Variants in LEMD1 observed in about 807,000 individuals in gnomAD.
The protein encoded by LEMD1 is LEM domain containing 1.
Under a neutral mutation model 17.4 loss-of-function variants are expected in LEMD1, and 18 were observed. The ratio of observed to expected loss-of-function variants is 1.04; its 90% CI spans 0.72 to 1.54. The LOEUF (loss-of-function observed/expected upper bound fraction) is 1.54, where lower values mean the gene tolerates loss of function less well. Ranked by LOEUF, LEMD1 falls within the 40% of genes most tolerant of loss-of-function variation. LEMD1 has a pLI of 0.00. For missense variants in LEMD1, 195 were observed against 210.4 expected, an observed-to-expected ratio of 0.93 and a Z score of 0.45; for synonymous variants, 88 against 77.8, an observed-to-expected ratio of 1.13 and a Z score of -0.69.
At position 205,381,448 on chromosome 1, in the gene LEMD1, C is replaced by T. The variant is rs1663687169; in HGVS notation, c.*210G>A. On this transcript the variant is annotated 3_prime_UTR_variant, in exon 6 of 6. Coordinates refer to ENST00000367153, the MANE Select transcript of LEMD1 (RefSeq NM_001199050.2). ...GAGTTGACATGACTTGGGGGATTTCCTAACCATCATGCTCTTAACACAGGT... is the reference window on the plus strand; with the variant it reads ...GAGTTGACATGACTTGGGGGATTTCTTAACCATCATGCTCTTAACACAGGT... 2 of 586,976 alleles carry T rather than the reference C, an allele frequency of 3.4e-6. No homozygotes were observed. Among genetic ancestry groups the T allele is most frequent in the East Asian group, 2.8e-5 (1 of 35,128 alleles). The allele number at this position is 586,976 out of a possible 1,614,324, so 36.4% of individuals were successfully genotyped here.
In LEMD1 at chr1:205,448,725, C is replaced by T. The variant is rs1238206142; in HGVS notation, c.-39+1143G>A. 6.6e-6 allele frequency among the ~76,000 whole-genome samples: 1 copy of T among 152,136 alleles called. No homozygotes were observed. Among genetic ancestry groups the T allele is most frequent in the African/African-American group, 2.4e-5 (1 of 41,434 alleles). On this transcript the variant is annotated intron_variant, in intron 1 of 3. Transcript: ENST00000367154. The surrounding 1 kb of genome is among the most constrained non-coding windows in gnomAD (Gnocchi z 4.7). ...CCCCTGCCCAGGGTCCTTAACTACC[C>T]CTTCCCTAGAGAATAAGGCCGGATC...
chr1:205,419,512 C>T (rs1205153693), intron 2 of LEMD1, among the ~76,000 whole-genome samples, 160 bp from the exon 3 acceptor site: 3 of 152,186 alleles, frequency 2.0e-5, no homozygotes, highest in Non-Finnish European at 4.4e-5. Context: ...GTCTCCCAAG[C>T]TTGGTGCAGT....
At chr1:205,423,204 A>AGGCTGTGGCTCCAAG (rs1461855824), upstream of LEMD1, among the ~76,000 whole-genome samples, 1 of 152,188 alleles carries the variant, frequency 6.6e-6, no homozygotes, top group African/African-American at 2.4e-5. Context: ...TGAGTCTCCC[A>AGGCTGTGGCTCCAAG]GGCTGTGGCT....
At chr1:205,428,002 G>A (rs1041835275) in intron 1 of LEMD1, among the ~76,000 whole-genome samples, 4 of 152,228 alleles carry the variant, frequency 2.6e-5, no homozygotes, top group African/African-American at 7.2e-5. Flanking sequence ...GAAGGCAATT[G>A]GGTGACTGGC....
intron 1 of LEMD1, chr1:205,435,231 G>A (rs551051434): frequency 2.0e-5 from 3 of 152,180 alleles, no homozygotes; most frequent in Non-Finnish European, 2.9e-5. Flanking sequence ...TTCAAATCTC[G>A]ATAAACTACA....
intron 4 of LEMD1, chr1:205,386,421 A>C (rs1664025213): frequency 6.6e-6 from 1 of 151,200 alleles, no homozygotes; most frequent in South Asian, 2.1e-4. Flanking sequence ...CTCCTGCCTC[A>C]GCCTCTCGAG....
intron 4 of LEMD1, among the ~76,000 whole-genome samples, chr1:205,408,600 C>T (rs1665238574): frequency 6.6e-6 from 1 of 150,930 alleles, no homozygotes; most frequent in Non-Finnish European, 1.5e-5. Flanking sequence ...TGGGCTCAAG[C>T]CATCCTTTCA....
At chr1:205,421,765 G>A (rs990146189) in intron 1 of LEMD1, among the ~76,000 whole-genome samples, 2 of 152,158 alleles carry the variant, frequency 1.3e-5, no homozygotes, top group African/African-American at 4.8e-5. Context: ...ATGCATCTCA[G>A]CACCTCAGAT....
chr1:205,419,234 G>A lies in LEMD1; in HGVS notation c.201C>T (p.Ser67=), dbSNP rs554426899. 80 of 1,613,908 alleles carry A rather than the reference G, an allele frequency of 5.0e-5. No homozygotes were observed. The highest frequency in any genetic ancestry group is 2.0e-4 in the East Asian group (9 of 44,878). The change falls in exon 3 of 6, where the codon AGC becomes AGT. Residue 67 remains serine (S), a synonymous_variant. Transcript: ENST00000367153. ...CAGTACAGCTTATGGCGGTACCTTC[G>A]CTGTCATCACTGTCCTGCGCTCCAT... The part of the protein sequence containing the change: ...ELDGAQDSDD[S]EELNIILQGN...
At chr1:205,426,521 G>A (rs1024544915), upstream of LEMD1, among the ~76,000 whole-genome samples, 6 of 152,206 alleles carry the variant, frequency 3.9e-5, no homozygotes, top group Non-Finnish European at 7.3e-5. Context: ...GCTTCCTGGA[G>A]GAGGTGGAAC....
intron 4 of LEMD1, among the ~76,000 whole-genome samples, chr1:205,411,133 A>AAAGG (rs1203305710): frequency 4.8e-5 from 7 of 144,676 alleles, no homozygotes; most frequent in Admixed American, 7.8e-5. Context: ...GGAGGGAAAG[A>AAAGG]AAGGAAGGAA....
chr1:205,407,348 A>T (rs1665164996), intron 4 of LEMD1, among the ~76,000 whole-genome samples: 1 of 151,548 alleles, frequency 6.6e-6, no homozygotes, highest in African/African-American at 2.4e-5. Context: ...AAAAAAAAAA[A>T]AGGATTTGAA....
chr1:205,415,661 C>T (rs1310219942), intron 4 of LEMD1, among the ~76,000 whole-genome samples: 1 of 152,158 alleles, frequency 6.6e-6, no homozygotes, highest in Non-Finnish European at 1.5e-5. Context: ...TTCGCATCCA[C>T]CCTGTGAGGT....
rs147105255 is a variant in LEMD1, at chr1:205,433,003, C to T, written c.-38-12429G>A. On this transcript the variant is annotated intron_variant, in intron 1 of 3. Transcript: ENST00000367154. ...TCCAGCCTGGGCAACAGAGCAAGAC[C>T]CTGCCTCTAAAAATAAAAAATATAA... Among the ~76,000 whole-genome samples, 236 of 148,900 alleles carry T rather than the reference C, an allele frequency of 1.6e-3. 1 individual carries two copies. The highest frequency in any genetic ancestry group is 5.7e-3 in the African/African-American group (230 of 40,308).
intron 1 of LEMD1, among the ~76,000 whole-genome samples, chr1:205,444,351 C>T (rs74141214): frequency 0.14 from 21,460 of 151,892 alleles, 2,220 homozygotes; most frequent in African/African-American, 0.29. Context: ...AGATGGTTTA[C>T]GGTCTGGGGG....
rs1252024088 is a variant in LEMD1, at chr1:205,381,381, C to T, written c.*277G>A. On this transcript the variant is annotated 3_prime_UTR_variant, in exon 6 of 6. Coordinates refer to ENST00000367153, the MANE Select transcript of LEMD1 (RefSeq NM_001199050.2). ...TAGAAAGAAAAACGCCAGACAGTTT[C>T]CTTGTTTGACGCCTGCTCAAATATG... The T allele has an allele frequency of 2.2e-6, 1 of 454,260 alleles. No individual in the cohort carries two copies. Among genetic ancestry groups the T allele is most frequent in the East Asian group, 4.0e-5 (1 of 25,234 alleles). 28.1% of individuals were successfully genotyped at this position (454,260 alleles called of 1,614,324 possible).
intron 1 of LEMD1, among the ~76,000 whole-genome samples, chr1:205,443,549 T>TAGGG (rs1293454191): frequency 3.9e-5 from 6 of 152,164 alleles, no homozygotes; most frequent in Non-Finnish European, 7.4e-5. Context: ...GTAGCCTGGC[T>TAGGG]CCCGAGAGGT....
At chr1:205,416,120 A>T (rs1462289681) in intron 4 of LEMD1, 112 bp downstream of exon 4, 3 of 630,468 alleles carry the variant, frequency 4.8e-6, no homozygotes, top group Non-Finnish European at 7.9e-6. Context: ...GGATTTTACC[A>T]CTATAACAGA....
chr1:205,386,582 G>C (rs1207209835), intron 4 of LEMD1: 1 of 151,592 alleles, frequency 6.6e-6, no homozygotes, highest in Non-Finnish European at 1.5e-5. Context: ...GGGATTACAG[G>C]CCTGAGCCAC....
Sources: gnomAD v4.1 joint callset for allele counts (sites outside exome capture counted in the v4.1 genomes callset) on GRCh38, gnomAD v4.1.1 for gene constraint, Gnocchi (gnomAD v3.1) non-coding constraint, MANE v1.5 for transcripts, NCBI Gene and HGNC (gene_info 2026-07-23, HGNC 2026-07-21) for gene names.